CREB5: variants seen among roughly 807,000 people sequenced by gnomAD.
The protein encoded by CREB5 is cyclic AMP-responsive element-binding protein 5.
Under a neutral mutation model 57.1 loss-of-function variants are expected in CREB5, and 19 were observed. The observed-to-expected ratio is 0.33, with a 90% CI of 0.23 to 0.49. The LOEUF is 0.49. Among genes scored for constraint, CREB5 ranks in the 20% least tolerant of loss-of-function variants. The pLI is 0.99. For synonymous variants in CREB5, 238 were observed against 238.3 expected, an observed-to-expected ratio of 1.00 and a Z score of 0.01; for missense variants, 579 against 671.6, an observed-to-expected ratio of 0.86 and a Z score of 1.52.
intron 7 of CREB5, among the ~76,000 whole-genome samples, chr7:28,759,497 G>T (rs1010774974): frequency 8.5e-5 from 13 of 152,186 alleles, no homozygotes; most frequent in African/African-American, 2.4e-4. Flanking sequence ...GATATGTGCA[G>T]TCTACCAGAA....
At chr7:28,640,456 A>C (rs1798607849) in intron 5 of CREB5, among the ~76,000 whole-genome samples, 1 of 152,230 alleles carries the variant, frequency 6.6e-6, no homozygotes, top group Non-Finnish European at 1.5e-5. Flanking sequence ...AAGTATAGCT[A>C]TTTGGATGTT....
intron 5 of CREB5, among the ~76,000 whole-genome samples, chr7:28,599,234 A>G (rs1796813537): frequency 6.6e-6 from 1 of 152,112 alleles, no homozygotes; most frequent in Non-Finnish European, 1.5e-5. Flanking sequence ...TATATATTAT[A>G]TATCTATAAC....
chr7:28,438,477 T>C (rs918341730), intron 1 of CREB5, among the ~76,000 whole-genome samples: 2 of 152,134 alleles, frequency 1.3e-5, no homozygotes, highest in African/African-American at 2.4e-5. Flanking sequence ...TTTTTCTACC[T>C]GATAAGTATT....
intron 5 of CREB5, among the ~76,000 whole-genome samples, chr7:28,669,259 A>C (rs1320836090): frequency 1.3e-5 from 2 of 152,244 alleles, no homozygotes; most frequent in African/African-American, 2.4e-5. Flanking sequence ...GTTGGTAAAT[A>C]GTGGCAGATG....
intron 5 of CREB5, among the ~76,000 whole-genome samples, chr7:28,715,629 G>C (rs1203851655): frequency 6.6e-6 from 1 of 152,112 alleles, no homozygotes; most frequent in Non-Finnish European, 1.5e-5. Context: ...TATACCTAGT[G>C]ATGAGTAGGC....
At chr7:28,619,101 A>C (rs968950135) in intron 5 of CREB5, among the ~76,000 whole-genome samples, 2 of 152,222 alleles carry the variant, frequency 1.3e-5, no homozygotes, top group Admixed American at 1.3e-4. Flanking sequence ...AACACTTTAG[A>C]TTTAACTCAT....
chr7:28,772,283 T>C (rs2282908), intron 7 of CREB5, among the ~76,000 whole-genome samples: 57,117 of 151,956 alleles, frequency 0.38, 11,061 homozygotes, highest in East Asian at 0.71. Flanking sequence ...CGCTGGAAGT[T>C]GGGGCAAAAG....
intron 5 of CREB5, among the ~76,000 whole-genome samples, chr7:28,697,475 C>T (rs1401052966): frequency 6.6e-6 from 1 of 152,186 alleles, no homozygotes; most frequent in African/African-American, 2.4e-5. Context: ...AGATCCCTGA[C>T]TGGTCCATAT....
At chr7:28,389,441 T>A (rs1787170153) in intron 1 of CREB5, among the ~76,000 whole-genome samples, 1 of 152,136 alleles carries the variant, frequency 6.6e-6, no homozygotes, top group Non-Finnish European at 1.5e-5. Flanking sequence ...GGTTTTATTT[T>A]GCTTTGTTCC....
chr7:28,552,849 C>G (rs939433464), intron 4 of CREB5, among the ~76,000 whole-genome samples: 1 of 152,170 alleles, frequency 6.6e-6, no homozygotes, highest in African/African-American at 2.4e-5. Context: ...TAGGCATGAT[C>G]CTGGAAATGT....
chr7:28,774,044 A>T (rs1031930876), intron 7 of CREB5, among the ~76,000 whole-genome samples: 2 of 152,182 alleles, frequency 1.3e-5, no homozygotes, highest in African/African-American at 4.8e-5. Context: ...CTTGTAGAGG[A>T]GAGTTTCGTA....
At chr7:28,530,024 G>T (rs1793654632) in intron 4 of CREB5, among the ~76,000 whole-genome samples, 1 of 152,186 alleles carries the variant, frequency 6.6e-6, no homozygotes, top group African/African-American at 2.4e-5. Context: ...GATAAGAAAT[G>T]AACTCAGAGA....
intron 4 of CREB5, among the ~76,000 whole-genome samples, chr7:28,560,931 T>TGTGCGTGTGTGTGTGC (rs1562797936): frequency 2.1e-5 from 1 of 48,532 alleles, no homozygotes; most frequent in Non-Finnish European, 3.8e-5. Flanking sequence ...TGCGCGTGCG[T>TGTGCGTGTGTGTGTGC]GTGTGCGTGC....
intron 4 of CREB5, among the ~76,000 whole-genome samples, chr7:28,547,368 G>C (rs142361921): frequency 6.6e-6 from 1 of 152,242 alleles, no homozygotes; most frequent in East Asian, 1.9e-4. Context: ...CTGACTGTAA[G>C]TTTGAGCATC....
intron 1 of CREB5, among the ~76,000 whole-genome samples, chr7:28,441,041 T>G (rs1464449777): frequency 6.6e-6 from 1 of 152,184 alleles, no homozygotes; most frequent in Admixed American, 6.5e-5. Flanking sequence ...TCAAGGGAAA[T>G]TTAATTCATA....
intron 4 of CREB5, among the ~76,000 whole-genome samples, chr7:28,538,604 T>A (rs1417951216): frequency 5.9e-5 from 9 of 152,184 alleles, no homozygotes; most frequent in Admixed American, 2.0e-4. Flanking sequence ...TTCATTGATT[T>A]CTACTTTTAT....
chr7:28,775,565 T>TA (rs1232967788), intron 7 of CREB5, among the ~76,000 whole-genome samples: 15 of 144,562 alleles, frequency 1.0e-4, no homozygotes, highest in African/African-American at 2.0e-4. Context: ...TATATATATA[T>TA]TAGCGTATTT....
At chr7:28,601,733 G>A (rs1462546281) in intron 5 of CREB5, among the ~76,000 whole-genome samples, 1 of 152,120 alleles carries the variant, frequency 6.6e-6, no homozygotes, top group African/African-American at 2.4e-5. Context: ...ATATAAAGTG[G>A]CTGAAAAAGT....
At chr7:28,673,557 T>C (rs1327562790) in intron 5 of CREB5, among the ~76,000 whole-genome samples, 1 of 151,876 alleles carries the variant, frequency 6.6e-6, no homozygotes, top group Admixed American at 6.6e-5. Context: ...GGTCTACATC[T>C]CATGCCCATG....
Sources: allele counts gnomAD v4.1 joint callset (sites outside exome capture counted in the v4.1 genomes callset), GRCh38; gene constraint gnomAD v4.1.1; transcripts MANE v1.5; gene names NCBI Gene and HGNC (gene_info 2026-07-23, HGNC 2026-07-21).